RALGAPA2: variants seen among roughly 807,000 people sequenced by gnomAD.
The protein encoded by RALGAPA2 is Ral GTPase activating protein catalytic subunit alpha 2.
In RALGAPA2, 139 loss-of-function variants were observed where a neutral mutation model predicts 230.4. The observed-to-expected ratio is 0.60, with a 90% CI of 0.53 to 0.69. The LOEUF (loss-of-function observed/expected upper bound fraction) is 0.69. Among genes scored for constraint, RALGAPA2 ranks in the 30% least tolerant of loss-of-function variants. RALGAPA2 has a pLI of 0.00. For synonymous variants in RALGAPA2, 847 were observed against 837.8 expected (o/e 1.01, Z -0.19); for missense variants, 2,163 against 2,276.0 (o/e 0.95, Z 1.01).
intron 23 of RALGAPA2, among the ~76,000 whole-genome samples, chr20:20,569,677 T>C (rs2064561048): frequency 6.6e-6 from 1 of 152,182 alleles, no homozygotes; most frequent in African/African-American, 2.4e-5. Context: ...TCAAATGTTA[T>C]ATAATATACT....
intron 39 of RALGAPA2, among the ~76,000 whole-genome samples, chr20:20,395,520 G>A (rs1440254520): frequency 6.6e-6 from 1 of 152,208 alleles, no homozygotes; most frequent in Non-Finnish European, 1.5e-5. Flanking sequence ...CGGCAAATGC[G>A]AAGTTTTGCA....
At chr20:20,546,477 G>C (rs1300700315) in intron 24 of RALGAPA2, among the ~76,000 whole-genome samples, 1 of 152,202 alleles carries the variant, frequency 6.6e-6, no homozygotes, top group Non-Finnish European at 1.5e-5. Context: ...AAATATTAGT[G>C]AGGATATGAT....
rs187840321 is a variant in RALGAPA2, at chr20:20,503,389, G to A, written c.5170C>T (p.Arg1724Ter). The change falls in exon 35 of 40, where the codon CGA (arginine) becomes TGA (stop). Residue 1724 changes from arginine to a stop codon, truncating the protein, a stop_gained. Transcript: ENST00000202677. LOFTEE classifies it high-confidence loss of function. The part of the protein sequence containing the change: ...TVEVIFHVST[R>*]MPSDSDDSLT... Reference sequence around the variant, plus strand: ...GAATCATCTGAGTCTGACGGCATTCGAGTGGAAACATGGAAAATCACTTCC... The same window carrying A: ...GAATCATCTGAGTCTGACGGCATTCAAGTGGAAACATGGAAAATCACTTCC... The A allele has an allele frequency of 1.1e-5, 17 of 1,603,492 alleles. No homozygotes were observed. Among genetic ancestry groups the A allele is most frequent in the South Asian group, 2.2e-5 (2 of 90,170 alleles).
At chr20:20,555,354 T>C (rs1228223971) in intron 23 of RALGAPA2, among the ~76,000 whole-genome samples, 4 of 152,252 alleles carry the variant, frequency 2.6e-5, no homozygotes, top group Non-Finnish European at 5.9e-5. Flanking sequence ...AATAGGAAAC[T>C]AGTAATTCTC....
At position 20,511,320 on chromosome 20, in the gene RALGAPA2, T is replaced by C. The variant is rs761745782; in HGVS notation, c.4862A>G (p.Asn1621Ser). 1 of 1,551,412 alleles carries C rather than the reference T, an allele frequency of 6.4e-7. No individual in the cohort carries two copies. Among genetic ancestry groups the C allele is most frequent in the East Asian group, 2.4e-5 (1 of 41,852 alleles). ...TGAATTTTTCTTCAATAGATGAAAA[T>C]TCTTCCTATAAAGAAAAAAGGATGG... ...LGMNSWDRRK[N>S]FHLLKKNSKL... is the part of the protein sequence containing the mutation. The change falls in exon 33 of 40, where the codon AAT becomes AGT. Residue 1621 changes from asparagine to serine, a missense_variant. Physicochemically the swap from Asn to Ser is conservative, Grantham distance 46 (BLOSUM62 1). Transcript: ENST00000202677.
intron 2 of RALGAPA2, among the ~76,000 whole-genome samples, chr20:20,677,339 T>C (rs2068363780): frequency 6.6e-6 from 1 of 152,100 alleles, no homozygotes; most frequent in South Asian, 2.1e-4. Context: ...GCAAGCCATA[T>C]GGAAATGTGG....
chr20:20,502,196 G>A (rs1380946331), intron 35 of RALGAPA2, among the ~76,000 whole-genome samples: 1 of 152,204 alleles, frequency 6.6e-6, no homozygotes, highest in Non-Finnish European at 1.5e-5. Context: ...TACCTGTGAA[G>A]TGTAATAAAG....
At chr20:20,431,763 C>G (rs1427721176) in intron 37 of RALGAPA2, among the ~76,000 whole-genome samples, 1 of 152,112 alleles carries the variant, frequency 6.6e-6, no homozygotes, top group Non-Finnish European at 1.5e-5. Flanking sequence ...AATCAACCTG[C>G]AATGTATACA....
At chr20:20,516,555 T>C (rs2062876868) in intron 31 of RALGAPA2, among the ~76,000 whole-genome samples, 1 of 152,174 alleles carries the variant, frequency 6.6e-6, no homozygotes, top group African/African-American at 2.4e-5. Flanking sequence ...AAGTTAAAGT[T>C]AACTACAATT....
At chr20:20,425,763 G>A (rs939825059) in intron 37 of RALGAPA2, among the ~76,000 whole-genome samples, 1 of 152,112 alleles carries the variant, frequency 6.6e-6, no homozygotes, top group East Asian at 1.9e-4. Flanking sequence ...AGACCTATCA[G>A]AGCAAAAAAA....
At chr20:20,576,842 A>T in intron 20 of RALGAPA2, among the ~76,000 whole-genome samples, 1 of 151,522 alleles carries the variant, frequency 6.6e-6, no homozygotes, top group Non-Finnish European at 1.5e-5. Context: ...TTCCCTTTTC[A>T]CCTCCAACAT....
chr20:20,703,675 A>G (rs2069483812), intron 1 of RALGAPA2, among the ~76,000 whole-genome samples: 1 of 152,256 alleles, frequency 6.6e-6, no homozygotes. Context: ...GTTACATTTT[A>G]TATGCGGTTA....
At chr20:20,495,360 C>A in intron 35 of RALGAPA2, 85 bp from the exon 36 acceptor site, 1 of 1,213,742 alleles carries the variant, frequency 8.2e-7, no homozygotes, top group South Asian at 2.7e-5. Context: ...AATTATAAAA[C>A]TCAAAGGCCA....
At chr20:20,433,148 ATG>A (rs2060533917) in intron 37 of RALGAPA2, among the ~76,000 whole-genome samples, 1 of 152,248 alleles carries the variant, frequency 6.6e-6, no homozygotes. Flanking sequence ...CAGTCCTACT[ATG>A]TGCCAGTCAA....
chr20:20,537,456 C>A (rs2063526440), intron 24 of RALGAPA2, among the ~76,000 whole-genome samples: 1 of 151,764 alleles, frequency 6.6e-6, no homozygotes. Context: ...CTCTTTTCTA[C>A]TAAGCATATA....
intron 10 of RALGAPA2, among the ~76,000 whole-genome samples, chr20:20,625,849 C>T (rs2146386893): frequency 6.6e-6 from 1 of 152,274 alleles, no homozygotes; most frequent in African/African-American, 2.4e-5. Flanking sequence ...CCTGGCCTTC[C>T]TGCTGGGGAT....
chr20:20,576,659 A>T (rs2064828475), intron 20 of RALGAPA2, among the ~76,000 whole-genome samples: 1 of 152,126 alleles, frequency 6.6e-6, no homozygotes, highest in Non-Finnish European at 1.5e-5. Flanking sequence ...GTTTCAAGGT[A>T]ACATAAGGTA....
chr20:20,477,348 T>C (rs1472329139), intron 36 of RALGAPA2, among the ~76,000 whole-genome samples: 1 of 152,184 alleles, frequency 6.6e-6, no homozygotes, highest in Non-Finnish European at 1.5e-5. Flanking sequence ...ATTTCAAGCA[T>C]GTACAGAATA....
chr20:20,464,437 A>T (rs2061371080), intron 37 of RALGAPA2, among the ~76,000 whole-genome samples: 1 of 152,234 alleles, frequency 6.6e-6, no homozygotes, highest in Admixed American at 6.5e-5. Flanking sequence ...GGACTCTGAC[A>T]ATGAAATTAG....
Sources: allele counts gnomAD v4.1 joint callset (sites outside exome capture counted in the v4.1 genomes callset), GRCh38; gene constraint gnomAD v4.1.1; transcripts MANE v1.5; gene names NCBI Gene and HGNC (gene_info 2026-07-23, HGNC 2026-07-21).